Variants in CTIF observed in about 807,000 individuals in gnomAD.
CTIF encodes the protein cap binding complex dependent translation initiation factor, also known as CBP80/20-dependent translation initiation factor.
CTIF carries 21 observed loss-of-function variants against 66.0 expected under a neutral mutation model. The ratio of observed to expected loss-of-function variants is 0.32; its 90% CI spans 0.23 to 0.46. CTIF has a LOEUF of 0.46. CTIF is among the 20% of genes least tolerant of loss of function. The pLI, the probability that CTIF is intolerant of heterozygous loss-of-function variation, is 1.00. For synonymous variants in CTIF, 345 were observed against 326.4 expected (o/e 1.06, Z -0.62); for missense variants, 739 against 812.7 (o/e 0.91, Z 1.10).
At chr18:48,756,759 T>A (rs1842617788) in intron 7 of CTIF, among the ~76,000 whole-genome samples, 1 of 152,192 alleles carries the variant, frequency 6.6e-6, no homozygotes, top group South Asian at 2.1e-4. Flanking sequence ...CATGAGAATG[T>A]CCCTCACCAC....
chr18:48,797,890 T>C (rs1414840753), intron 9 of CTIF, among the ~76,000 whole-genome samples: 5 of 152,234 alleles, frequency 3.3e-5, no homozygotes, highest in African/African-American at 7.2e-5. Flanking sequence ...CTCTGCACTC[T>C]CCTTGGATGT....
rs1251218089 is a variant in CTIF, at chr18:48,653,343, A to G, written c.253-10409A>G. On this transcript the variant is annotated intron_variant, in intron 3 of 11. Transcript: ENST00000256413. The stretch of plus-strand genomic sequence containing the variant: ...ATTCCTATACACCAATAACAAACAG[A>G]GAGCCAAATCGTGAGTGAACTCCCA... Among the ~76,000 whole-genome samples the G allele has an allele frequency of 2.0e-5, 3 of 152,326 alleles. No homozygotes were observed. The East Asian group carries it at 5.8e-4, about 29-fold the overall frequency.
intron 6 of CTIF, among the ~76,000 whole-genome samples, chr18:48,688,690 T>G (rs1349297088): frequency 6.6e-6 from 1 of 152,254 alleles, no homozygotes; most frequent in Admixed American, 6.5e-5. Flanking sequence ...TGGTCGCTGG[T>G]CTTCCCACAC....
intron 6 of CTIF, among the ~76,000 whole-genome samples, chr18:48,699,666 A>G (rs1476607933): frequency 6.6e-6 from 1 of 152,188 alleles, no homozygotes; most frequent in Non-Finnish European, 1.5e-5. Flanking sequence ...TTCCTAGCCC[A>G]GGGGTCTCCA....
chr18:48,807,371 G>C (rs2068168642), intron 9 of CTIF, among the ~76,000 whole-genome samples: 1 of 152,148 alleles, frequency 6.6e-6, no homozygotes, highest in South Asian at 2.1e-4. Flanking sequence ...AATTCAGAAA[G>C]TAATGTAGAG....
intron 7 of CTIF, among the ~76,000 whole-genome samples, chr18:48,744,222 A>G (rs1004972402): frequency 1.2e-4 from 18 of 152,182 alleles, no homozygotes; most frequent in Non-Finnish European, 2.9e-5. Flanking sequence ...TGGTAGCGCC[A>G]TCCTACGGTG....
chr18:48,699,045 C>A (rs2092046836), intron 6 of CTIF, among the ~76,000 whole-genome samples: 1 of 152,210 alleles, frequency 6.6e-6, no homozygotes, highest in African/African-American at 2.4e-5. Flanking sequence ...TGAGCTGCCC[C>A]TGCTGGTTCT....
intron 5 of CTIF, 63 bp downstream of exon 5, chr18:48,664,614 C>T (rs1218987518): frequency 7.0e-7 from 1 of 1,423,086 alleles, no homozygotes. Flanking sequence ...TGGCCTTTGC[C>T]TCCACAGGGA....
chr18:48,541,306 A>G (rs1371290070), intron 1 of CTIF, among the ~76,000 whole-genome samples: 5 of 152,144 alleles, frequency 3.3e-5, no homozygotes, highest in African/African-American at 1.2e-4. Flanking sequence ...CGCGCGACCA[A>G]GGAGGAAGCC....
At chr18:48,822,786 C>G (rs930297048) in intron 10 of CTIF, among the ~76,000 whole-genome samples, 2 of 152,146 alleles carry the variant, frequency 1.3e-5, no homozygotes, top group Admixed American at 6.6e-5. Context: ...CAACAGTGTA[C>G]AAGGGTTCTA....
intron 9 of CTIF, among the ~76,000 whole-genome samples, chr18:48,796,213 G>A (rs762364557): frequency 4.8e-5 from 7 of 145,564 alleles, no homozygotes; most frequent in South Asian, 2.3e-4. Context: ...TCACTCTGTC[G>A]CCCAGGCTGG....
At chr18:48,691,863 T>G (rs2091930424) in intron 6 of CTIF, among the ~76,000 whole-genome samples, 1 of 152,126 alleles carries the variant, frequency 6.6e-6, no homozygotes, top group African/African-American at 2.4e-5. Flanking sequence ...TCCAGGACAA[T>G]CCTATTTACC....
intron 1 of CTIF, among the ~76,000 whole-genome samples, chr18:48,544,008 T>G (rs2088687009): frequency 6.6e-6 from 1 of 152,218 alleles, no homozygotes; most frequent in African/African-American, 2.4e-5. Flanking sequence ...AAGCTTGGTC[T>G]GTGGCTTTCT....
chr18:48,632,667 C>T (rs772084971), intron 2 of CTIF, among the ~76,000 whole-genome samples: 3 of 152,290 alleles, frequency 2.0e-5, no homozygotes, highest in East Asian at 1.9e-4. Flanking sequence ...AAGCTGGCCA[C>T]GTTCTACTGA....
At chr18:48,630,660 CTTT>C (rs373006892) in intron 2 of CTIF, among the ~76,000 whole-genome samples, 56 of 142,006 alleles carry the variant, frequency 3.9e-4, no homozygotes, top group Middle Eastern at 3.6e-3. Flanking sequence ...TTGTCTCTAG[CTTT>C]TTTTTTTTTT....
intron 7 of CTIF, among the ~76,000 whole-genome samples, chr18:48,754,445 A>G (rs961450670): frequency 3.9e-5 from 6 of 152,114 alleles, no homozygotes; most frequent in African/African-American, 1.4e-4. Context: ...CCCAGCAATC[A>G]CTCACCCTGA....
At chr18:48,852,211 GGGACA>G (rs2069218403) in intron 10 of CTIF, among the ~76,000 whole-genome samples, 1 of 137,696 alleles carries the variant, frequency 7.3e-6, no homozygotes, top group African/African-American at 2.8e-5. Context: ...TCTGCCCTGG[GGGACA>G]GAGTGAGACC....
chr18:48,828,037 C>T (rs1319948), intron 10 of CTIF, among the ~76,000 whole-genome samples: 70,742 of 149,476 alleles, frequency 0.47, 17,451 homozygotes, highest in South Asian at 0.65. Context: ...AGCCCCCACC[C>T]TTTGACTGTT....
intron 7 of CTIF, among the ~76,000 whole-genome samples, chr18:48,749,489 T>G (rs1907586352): frequency 6.6e-6 from 1 of 152,136 alleles, no homozygotes; most frequent in Non-Finnish European, 1.5e-5. Context: ...TGACCTAACA[T>G]TTGAAACAGC....
Sources: gnomAD v4.1 joint callset for allele counts (sites outside exome capture counted in the v4.1 genomes callset) on GRCh38, gnomAD v4.1.1 for gene constraint, MANE v1.5 for transcripts, NCBI Gene and HGNC (gene_info 2026-07-23, HGNC 2026-07-21) for gene names.